BRAF: variants seen among roughly 807,000 people sequenced by gnomAD.
The protein encoded by BRAF is B-Raf proto-oncogene, serine/threonine kinase, also known as serine/threonine-protein kinase B-raf.
BRAF carries 16 observed loss-of-function variants against 104.6 expected under a neutral mutation model. That is an observed-to-expected ratio of 0.15 (90% CI 0.10 to 0.23). The LOEUF is 0.23. Ranked by LOEUF, BRAF falls within the 10% of genes least tolerant of loss-of-function variation. The probability of loss-of-function intolerance (pLI) is 1.00; values close to 1 mark genes in which losing one functional copy is unlikely to be tolerated. For missense variants in BRAF, 541 were observed against 937.3 expected (o/e 0.58, Z 5.52); for synonymous variants, 310 against 341.6 (o/e 0.91, Z 1.02).
rs1267103942 is a variant in BRAF at position 140,924,674 on chromosome 7, G to C, written c.30C>G (p.Gly10=). The change falls in exon 1 of 20, where the codon GGC becomes GGG. Residue 10 remains glycine, a synonymous_variant. Transcript: ENST00000644969. The surrounding 1 kb of genome is among the most constrained non-coding windows in gnomAD (Gnocchi z 4.2). The stretch of plus-strand genomic sequence containing the variant: ...ACAGAGCCTGGCCCGGCTCCGCGCC[G>C]CCACCACCGCCACCGCTCAGCGCCG... MAALSGGGG[G]GAEPGQALFN... is the part of the protein sequence containing the mutation. 1.7e-6 allele frequency: 2 copies of C among 1,165,682 alleles called. No homozygotes were observed. The highest frequency in any genetic ancestry group is 2.1e-5 in the Admixed American group (1 of 48,172). The allele number at this position is 1,165,682 out of a possible 1,614,324, so 72.2% of individuals were successfully genotyped here.
intron 15 of BRAF, chr7:140,753,674 C>A: frequency 3.0e-6 from 1 of 333,312 alleles, no homozygotes; most frequent in Non-Finnish European, 5.6e-6. Context: ...AAAACTTTCC[C>A]ATTAGATTTT....
intron 14 of BRAF, among the ~76,000 whole-genome samples, chr7:140,767,022 G>A (rs1408932144): frequency 6.6e-6 from 1 of 151,816 alleles, no homozygotes; most frequent in Non-Finnish European, 1.5e-5. Flanking sequence ...ACTTATTTTT[G>A]AGACAGAGTC....
chr7:140,901,045 T>A (rs1462655489), intron 1 of BRAF, among the ~76,000 whole-genome samples: 1 of 152,196 alleles, frequency 6.6e-6, no homozygotes, highest in African/African-American at 2.4e-5. Context: ...AGCAGTAGAT[T>A]CTCCTCTCCT....
chr7:140,828,158 G>A (rs1806282299), intron 3 of BRAF, among the ~76,000 whole-genome samples: 1 of 152,094 alleles, frequency 6.6e-6, no homozygotes, highest in African/African-American at 2.4e-5. Flanking sequence ...AGCCTCCCAT[G>A]CTGAGATTAC....
At chr7:140,812,644 G>T (rs1379490535) in intron 3 of BRAF, among the ~76,000 whole-genome samples, 2 of 152,106 alleles carry the variant, frequency 1.3e-5, no homozygotes, top group Admixed American at 1.3e-4. Context: ...TTTGTAGGCT[G>T]AATTTTTATA....
At chr7:140,798,262 C>CTTTTTTTTTATT in intron 7 of BRAF, among the ~76,000 whole-genome samples, 1 of 32,608 alleles carries the variant, frequency 3.1e-5, no homozygotes, top group South Asian at 7.7e-4. Context: ...TGTATGGGGA[C>CTTTTTTTTTATT]TTTTTTTTTC....
intron 2 of BRAF, among the ~76,000 whole-genome samples, chr7:140,836,661 C>T (rs1586347446): frequency 6.6e-6 from 1 of 152,246 alleles, no homozygotes; most frequent in African/African-American, 2.4e-5. Context: ...GTTTAGCTTT[C>T]AGTACCAAGG....
At chr7:140,800,739 G>T (rs1166832997) in intron 6 of BRAF, among the ~76,000 whole-genome samples, 1 of 152,082 alleles carries the variant, frequency 6.6e-6, no homozygotes, top group Non-Finnish European at 1.5e-5. Flanking sequence ...CATGCTTTAT[G>T]GTTAAAGAAT....
intron 18 of BRAF, 62 bp downstream of exon 17, chr7:140,739,750 G>A (rs886766660): frequency 1.3e-6 from 2 of 1,596,300 alleles, no homozygotes; most frequent in African/African-American, 2.7e-5. Flanking sequence ...CCAAAAAAGT[G>A]CTCAGAAATC....
In BRAF at chr7:140,721,608, A is replaced by G. The variant is rs1003063164; in HGVS notation, c.*4886T>C. 3.9e-6 allele frequency: 6 copies of G among 1,535,262 alleles called. No homozygotes were observed. In the African/African-American group the frequency reaches 8.2e-5, roughly 21 times the overall value. ...GACTCCGCTCTCCTCTGGCCAAGCTACAAATCATCACCTGAGGCAGAGATG... is the reference window on the plus strand; with the variant it reads ...GACTCCGCTCTCCTCTGGCCAAGCTGCAAATCATCACCTGAGGCAGAGATG... On this transcript the variant is annotated 3_prime_UTR_variant, in exon 20 of 20. Transcript: ENST00000644969.
chr7:140,880,225 T>C (rs1812746342), intron 1 of BRAF, among the ~76,000 whole-genome samples: 2 of 152,210 alleles, frequency 1.3e-5, no homozygotes, highest in African/African-American at 2.4e-5. Context: ...TCTAAATCTT[T>C]TGCTGTCATT....
chr7:140,837,515 T>C (rs1807473264), intron 2 of BRAF, among the ~76,000 whole-genome samples: 2 of 152,344 alleles, frequency 1.3e-5, no homozygotes, highest in South Asian at 2.1e-4. Flanking sequence ...GGCTAATTCT[T>C]GTTATTTTAT....
At chr7:140,715,037 G>C (rs1216725222), downstream of BRAF, among the ~76,000 whole-genome samples, 1 of 152,168 alleles carries the variant, frequency 6.6e-6, no homozygotes, top group Non-Finnish European at 1.5e-5. Flanking sequence ...AGGAGAGGGT[G>C]GGACTAGATC....
At chr7:140,833,967 T>C (rs1807058076) in intron 3 of BRAF, 1 of 152,218 alleles carries the variant, frequency 6.6e-6, no homozygotes, top group Non-Finnish European at 1.5e-5. Context: ...AAATTTTGAC[T>C]TCAGTTGTAT....
chr7:140,762,870 T>A (rs1408652283), intron 14 of BRAF, among the ~76,000 whole-genome samples: 29 of 147,266 alleles, frequency 2.0e-4, no homozygotes, highest in African/African-American at 4.6e-4. Context: ...CCGCCCTTAA[T>A]CCATTTAACC....
intron 18 of BRAF, 79 bp downstream of exon 17, chr7:140,739,733 T>C (rs1048178832): frequency 1.2e-5 from 19 of 1,534,838 alleles, no homozygotes; most frequent in Admixed American, 3.3e-5. Context: ...AAATACACAC[T>C]GTGTGCCCAA....
Position 140,723,068 on chromosome 7 carries a change from A to C in BRAF, c.*3426T>G. The C allele has an allele frequency of 9.5e-7, 1 of 1,051,318 alleles. No homozygotes were observed. Among genetic ancestry groups the C allele is most frequent in the Non-Finnish European group, 1.1e-6 (1 of 870,554 alleles). 65.1% of individuals were successfully genotyped at this position (1,051,318 alleles called of 1,614,324 possible). A position where few individuals can be genotyped will look rare whatever the true frequency, so the allele number is the denominator to read the frequency against. On this transcript the variant is annotated 3_prime_UTR_variant, in exon 20 of 20. Coordinates refer to ENST00000644969, the MANE Select transcript of BRAF (RefSeq NM_001374258.1). Reference sequence around the variant, plus strand: ...AAAATAAATAACTATTCATTACCTCATTCTGAAGAGGTAGTTTTTTGTAGA... The same window carrying C: ...AAAATAAATAACTATTCATTACCTCCTTCTGAAGAGGTAGTTTTTTGTAGA...
intron 4 of BRAF, 21 bp from the exon 5 acceptor site, chr7:140,808,083 C>G (rs758109105): frequency 1.3e-6 from 2 of 1,570,258 alleles, no homozygotes; most frequent in Non-Finnish European, 1.8e-6. Flanking sequence ...TAGACACAAG[C>G]CTTTCTTGGT....
At position 140,722,943 on chromosome 7, in the gene BRAF, G is replaced by A. The variant is rs1218305353; in HGVS notation, c.*3551C>T. The A allele has an allele frequency of 9.5e-7, 1 of 1,054,562 alleles. No homozygotes were observed. Among genetic ancestry groups the A allele is most frequent in the African/African-American group, 1.7e-5 (1 of 60,396 alleles). The allele number at this position is 1,054,562 out of a possible 1,614,324, so 65.3% of individuals were successfully genotyped here. ...CAGTATTACTGCTTAAATGTATAATGCCCTTTAGGACAAAATGAGAGTGCT... is the reference window on the plus strand; with the variant it reads ...CAGTATTACTGCTTAAATGTATAATACCCTTTAGGACAAAATGAGAGTGCT... On this transcript the variant is annotated 3_prime_UTR_variant, in exon 20 of 20. Transcript: ENST00000644969.
Sources: allele counts gnomAD v4.1 joint callset (sites outside exome capture counted in the v4.1 genomes callset), GRCh38; gene constraint gnomAD v4.1.1; non-coding constraint Gnocchi (gnomAD v3.1); transcripts MANE v1.5; gene names NCBI Gene and HGNC (gene_info 2026-07-23, HGNC 2026-07-21).